PTDSS1: variants seen among roughly 807,000 people sequenced by gnomAD.
PTDSS1 encodes phosphatidylserine synthase 1.
Under a neutral mutation model 70.5 loss-of-function variants are expected in PTDSS1, and 45 were observed. The ratio of observed to expected loss-of-function variants is 0.64; its 90% confidence interval spans 0.50 to 0.82. The LOEUF (loss-of-function observed/expected upper bound fraction) is 0.82. PTDSS1 is among the 40% of genes least tolerant of loss of function. The probability of loss-of-function intolerance (pLI) is 0.00; values close to 1 mark genes in which losing one functional copy is unlikely to be tolerated. For synonymous variants in PTDSS1, 188 were observed against 203.8 expected (o/e 0.92, Z 0.66); for missense variants, 417 against 586.1 (o/e 0.71, Z 2.98).
intron 7 of PTDSS1, 117 bp from the exon 8 acceptor site, chr8:96,306,327 C>A (rs1811123612): frequency 2.6e-6 from 2 of 771,346 alleles, no homozygotes; most frequent in Non-Finnish European, 4.4e-6. Context: ...CACATCTATT[C>A]TCTGAAAATG....
intron 3 of PTDSS1, among the ~76,000 whole-genome samples, chr8:96,284,355 C>T (rs1036828700): frequency 2.4e-4 from 37 of 152,210 alleles, no homozygotes; most frequent in Non-Finnish European, 3.5e-4. Flanking sequence ...TTCTCTTACA[C>T]ATGAACTGTT....
chr8:96,288,427 C>T (rs1055400160), intron 4 of PTDSS1, among the ~76,000 whole-genome samples: 23 of 151,884 alleles, frequency 1.5e-4, no homozygotes, highest in African/African-American at 4.8e-4. Context: ...CAGGTTCAAG[C>T]GATTATCCTG....
At chr8:96,328,154 C>T (rs1811464840) in intron 10 of PTDSS1, among the ~76,000 whole-genome samples, 1 of 152,132 alleles carries the variant, frequency 6.6e-6, no homozygotes, top group Admixed American at 6.5e-5. Flanking sequence ...AAGGGAAGAG[C>T]CCCGCGTGCC....
intron 4 of PTDSS1, among the ~76,000 whole-genome samples, chr8:96,287,982 G>A (rs1037641391): frequency 6.6e-6 from 1 of 152,156 alleles, no homozygotes; most frequent in African/African-American, 2.4e-5. Flanking sequence ...CCACATTTCA[G>A]ATGCCACTCG....
At chr8:96,317,596 G>A (rs942256211) in intron 9 of PTDSS1, among the ~76,000 whole-genome samples, 6 of 152,122 alleles carry the variant, frequency 3.9e-5, no homozygotes, top group East Asian at 1.9e-4. Flanking sequence ...TTAGCTGGGC[G>A]TAGTGCCGTG....
At chr8:96,310,933 T>C (rs1176244411) in intron 9 of PTDSS1, among the ~76,000 whole-genome samples, 1 of 151,976 alleles carries the variant, frequency 6.6e-6, no homozygotes, top group East Asian at 1.9e-4. Flanking sequence ...ACCCAGCTAA[T>C]TTTTGTATTT....
chr8:96,329,628 T>G (rs1811484922), intron 10 of PTDSS1, among the ~76,000 whole-genome samples: 1 of 152,190 alleles, frequency 6.6e-6, no homozygotes, highest in African/African-American at 2.4e-5. Context: ...AGCATCTTTA[T>G]TTTCTCTTTG....
At chr8:96,304,002 A>G in intron 6 of PTDSS1, 38 bp from the exon 7 acceptor site, 2 of 1,572,414 alleles carry the variant, frequency 1.3e-6, no homozygotes, top group South Asian at 1.2e-5. Context: ...CCCCTGCCTT[A>G]TCTCTGGATT....
chr8:96,332,529 G>A (rs1261178100), intron 12 of PTDSS1, among the ~76,000 whole-genome samples: 1 of 152,230 alleles, frequency 6.6e-6, no homozygotes, highest in Non-Finnish European at 1.5e-5. Context: ...GAATTGATCA[G>A]TGAGCGGCCC....
chr8:96,283,140 C>T (rs1228952189), intron 2 of PTDSS1, among the ~76,000 whole-genome samples: 4 of 152,236 alleles, frequency 2.6e-5, no homozygotes, highest in African/African-American at 9.6e-5. Flanking sequence ...TGTACCTACT[C>T]CCTTTACTGT....
intron 8 of PTDSS1, among the ~76,000 whole-genome samples, chr8:96,307,821 G>A (rs988748462): frequency 6.6e-6 from 1 of 152,228 alleles, no homozygotes; most frequent in Non-Finnish European, 1.5e-5. Flanking sequence ...ATAGCAAATC[G>A]TATATGATTT....
At chr8:96,314,448 C>A (rs1290960865) in intron 9 of PTDSS1, among the ~76,000 whole-genome samples, 1 of 150,300 alleles carries the variant, frequency 6.7e-6, no homozygotes, top group South Asian at 2.1e-4. Context: ...GGGGTCCCTT[C>A]CCAGCACAGG....
At chr8:96,292,289 CA>C (rs34282078) in intron 4 of PTDSS1, among the ~76,000 whole-genome samples, 2,247 of 87,838 alleles carry the variant, frequency 0.026, 30 homozygotes, top group African/African-American at 0.071. Flanking sequence ...AACGCTGTCT[CA>C]AAAAAAAAAA....
chr8:96,313,117 C>T (rs1009621382), intron 9 of PTDSS1, among the ~76,000 whole-genome samples: 1 of 152,178 alleles, frequency 6.6e-6, no homozygotes, highest in African/African-American at 2.4e-5. Flanking sequence ...TTTCCCAGCA[C>T]TCCACCCTTT....
chr8:96,276,724 C>A (rs1480863158), intron 2 of PTDSS1, among the ~76,000 whole-genome samples: 1 of 152,164 alleles, frequency 6.6e-6, no homozygotes, highest in Non-Finnish European at 1.5e-5. Context: ...TGCTGTTTCT[C>A]TTTTTTTCTG....
intron 9 of PTDSS1, among the ~76,000 whole-genome samples, chr8:96,311,300 G>A (rs746546541): frequency 5.4e-4 from 82 of 152,106 alleles, no homozygotes; most frequent in Non-Finnish European, 9.8e-4. Flanking sequence ...AGACCTAATC[G>A]AGGTTCTAAA....
At chr8:96,309,960 C>T (rs189471323) in intron 9 of PTDSS1, among the ~76,000 whole-genome samples, 44 of 151,856 alleles carry the variant, frequency 2.9e-4, no homozygotes, top group Admixed American at 8.5e-4. Context: ...CCCAGGAATT[C>T]GAGACTAACC....
At chr8:96,297,119 C>T (rs1465211835) in intron 5 of PTDSS1, among the ~76,000 whole-genome samples, 1 of 152,182 alleles carries the variant, frequency 6.6e-6, no homozygotes, top group South Asian at 2.1e-4. Flanking sequence ...GCCAAATGAT[C>T]CTCTTTAGAC....
chr8:96,264,888 T>C (rs937540728), intron 1 of PTDSS1, among the ~76,000 whole-genome samples: 3 of 152,212 alleles, frequency 2.0e-5, no homozygotes, highest in Non-Finnish European at 4.4e-5. Flanking sequence ...ATTTTATTTC[T>C]TCCACTAATT....
Sources: allele counts gnomAD v4.1 joint callset (sites outside exome capture counted in the v4.1 genomes callset), GRCh38; gene constraint gnomAD v4.1.1; transcripts MANE v1.5; gene names NCBI Gene and HGNC (gene_info 2026-07-23, HGNC 2026-07-21).